The following LRP1 variants were observed in gnomAD, a reference collection of about 807,000 sequenced individuals.
LRP1 encodes LDL receptor related protein 1.
A neutral mutation model predicts 541.5 loss-of-function variants in LRP1; 51 were observed. The ratio of observed to expected loss-of-function variants is 0.09; its 90% CI spans 0.08 to 0.12. The LOEUF (loss-of-function observed/expected upper bound fraction) is 0.12. Among genes scored for constraint, LRP1 ranks in the 10% least tolerant of loss-of-function variants. The pLI, the probability that LRP1 is intolerant of heterozygous loss-of-function variation, is 1.00. For synonymous variants in LRP1, 2,219 were observed against 2,470.8 expected (o/e 0.90, Z 3.02); for missense variants, 3,878 against 6,376.2 (o/e 0.61, Z 13.34).
At chr12:57,191,638 C>A in intron 44 of LRP1, 126 bp downstream of exon 44, 1 of 766,378 alleles carries the variant, frequency 1.3e-6, no homozygotes, top group Non-Finnish European at 2.0e-6. Flanking sequence ...ACACATCCCA[C>A]ACATACTACA....
chr12:57,200,420 C>A, intron 62 of LRP1, 22 bp from the exon 63 acceptor site: 29 of 1,366,560 alleles, frequency 2.1e-5, no homozygotes, highest in Non-Finnish European at 2.5e-5. Flanking sequence ...ACCAACCCCT[C>A]TTGCCCCCAC....
In LRP1 at chr12:57,185,351, G is replaced by A; in HGVS notation, c.6463+146G>A. On this transcript the variant is annotated intron_variant, in intron 40 of 88. Coordinates refer to ENST00000243077, the MANE Select transcript of LRP1 (RefSeq NM_002332.3). The surrounding 1 kb of genome is among the most constrained non-coding windows in gnomAD (Gnocchi z 4.9). ...CGATGGCCCGAGAGACCCAGGGATGGGGAGGAAAGGCTGAGGTGCTCTGGG... is the reference window on the plus strand; with the variant it reads ...CGATGGCCCGAGAGACCCAGGGATGAGGAGGAAAGGCTGAGGTGCTCTGGG... The A allele has an allele frequency of 7.3e-7, 1 of 1,374,120 alleles. No homozygotes were observed. Among genetic ancestry groups the A allele is most frequent in the Non-Finnish European group, 9.9e-7 (1 of 1,012,096 alleles). 85.1% of individuals were successfully genotyped at this position (1,374,120 alleles called of 1,614,324 possible).
intron 6 of LRP1, among the ~76,000 whole-genome samples, chr12:57,151,457 C>T (rs1346553399): frequency 6.6e-6 from 1 of 152,242 alleles, no homozygotes; most frequent in African/African-American, 2.4e-5. Context: ...CCTCTCTCCC[C>T]TTTGGTTTAT....
Position 57,197,648 on chromosome 12 carries a change from A to C in LRP1, c.9266A>C (p.Asn3089Thr), listed in dbSNP as rs1485443671. 1 of 1,613,920 alleles carries C rather than the reference A, an allele frequency of 6.2e-7. No homozygotes were observed. The highest frequency in any genetic ancestry group is 8.5e-7 in the Non-Finnish European group (1 of 1,179,972). The change falls in exon 58 of 89, where the codon AAC becomes ACC. Residue 3089 changes from asparagine to threonine, a missense_variant. Transcript: ENST00000243077. This position sits in a 1 kb window ranked among gnomAD's most constrained non-coding sequence, Gnocchi z 4.5. ...AGCATGATCCGAAGGATGCACCTTA[A>C]CGGGAGCAATGTGCAGGTGAGGCGG... ...QGSMIRRMHLNGSNVQVLHRT... is the reference protein window; with the variant it reads ...QGSMIRRMHLTGSNVQVLHRT...
Position 57,181,421 on chromosome 12 carries a change from A to T in LRP1, c.5662+130A>T, listed in dbSNP as rs766213429. On this transcript the variant is annotated intron_variant, in intron 34 of 88. Coordinates refer to ENST00000243077, the MANE Select transcript of LRP1 (RefSeq NM_002332.3). ...TTCGTCGTGTAGGGGACACTGGACT[A>T]TGAAGTGGCTATGACTCTCCAGTGC... 2.3e-4 allele frequency: 277 copies of T among 1,181,796 alleles called. 1 individual carries two copies. Among genetic ancestry groups the T allele is most frequent in the Non-Finnish European group, 6.3e-5 (54 of 862,598 alleles). 73.2% of individuals were successfully genotyped at this position (1,181,796 alleles called of 1,614,324 possible). A position where few individuals can be genotyped will look rare whatever the true frequency, so the allele number is the denominator to read the frequency against.
rs781291026 is a variant in LRP1 at position 57,201,113 on chromosome 12, G to A, written c.10305G>A (p.Gly3435=). 2 of 1,614,096 alleles carry A rather than the reference G, an allele frequency of 1.2e-6. No homozygotes were observed. The highest frequency in any genetic ancestry group is 3.3e-5 in the Admixed American group (2 of 60,020). ...TTCCCGGCATCTTCCGCTGCAATGG[G>A]CAGGACAACTGCGGAGATGGGGAGG... ...RCIPGIFRCN[G]QDNCGDGEDE... is the part of the protein sequence containing the mutation. Residue 3435 remains glycine, a synonymous_variant, in exon 65 of 89, where the codon GGG becomes GGA. Transcript: ENST00000243077. The surrounding 1 kb of genome is among the most constrained non-coding windows in gnomAD (Gnocchi z 6.4).
chr12:57,180,035 C>T lies in LRP1; in HGVS notation c.5142-12C>T. ...GGACCCTGACCTTTCCCTCTTGGCA[C>T]CCTCCCCCCAGGAAGCTCTACTGGA... On this transcript the variant is annotated splice_polypyrimidine_tract_variant and intron_variant, in intron 30 of 88. Transcript: ENST00000243077. 1 of 1,613,672 alleles carries T rather than the reference C, an allele frequency of 6.2e-7. No homozygotes were observed. Among genetic ancestry groups the T allele is most frequent in the Non-Finnish European group, 8.5e-7 (1 of 1,179,750 alleles).
chr12:57,187,726 C>A (rs2036298153), intron 42 of LRP1, among the ~76,000 whole-genome samples: 1 of 152,218 alleles, frequency 6.6e-6, no homozygotes, highest in Non-Finnish European at 1.5e-5. Context: ...TTGATTCATT[C>A]ATCAGAGCAC....
In LRP1 at chr12:57,208,106, C is replaced by A. The variant is rs1382666907; in HGVS notation, c.11928C>A (p.Asp3976Glu). The change falls in exon 77 of 89, where the codon GAC becomes GAA. Residue 3976 changes from aspartate to glutamate, a missense_variant. Asp to Glu is a conservative substitution (Grantham distance 45, BLOSUM62 2). Coordinates refer to ENST00000243077, the MANE Select transcript of LRP1 (RefSeq NM_002332.3). Reference sequence around the variant, plus strand: ...TGGCCGGAAACGTGTACTGGACCGACTCGGGCCGAGATGTGATTGAGGTGG... The same window carrying A: ...TGGCCGGAAACGTGTACTGGACCGAATCGGGCCGAGATGTGATTGAGGTGG... ...DWVAGNVYWT[D>E]SGRDVIEVAQ... The A allele has an allele frequency of 6.2e-7, 1 of 1,614,214 alleles. No individual in the cohort carries two copies.
rs2035581740 is a variant in LRP1 at position 57,154,457 on chromosome 12, T to C, written c.1005-22T>C. The C allele has an allele frequency of 3.1e-6, 5 of 1,610,644 alleles. No homozygotes were observed. Among genetic ancestry groups the C allele is most frequent in the Non-Finnish European group, 4.2e-6 (5 of 1,177,066 alleles). ...GAGGGTGCCCAATGTCCAGACCCCATTTAACATGCATCTTCCCACAGGAAG... is the reference window on the plus strand; with the variant it reads ...GAGGGTGCCCAATGTCCAGACCCCACTTAACATGCATCTTCCCACAGGAAG... On this transcript the variant is annotated intron_variant, in intron 7 of 88. Coordinates refer to ENST00000243077, the MANE Select transcript of LRP1 (RefSeq NM_002332.3). This position sits in a 1 kb window ranked among gnomAD's most constrained non-coding sequence, Gnocchi z 4.6.
intron 8 of LRP1, 115 bp from the exon 9 acceptor site, chr12:57,155,979 C>A: frequency 1.3e-6 from 1 of 787,898 alleles, no homozygotes; most frequent in Non-Finnish European, 2.1e-6. Flanking sequence ...TTAAAAACTA[C>A]AGGATGAATT....
In LRP1 at chr12:57,158,504, T is replaced by C; in HGVS notation, c.1664T>C (p.Ile555Thr). ...GTCCCGGATGAGCACATGATCCCCA[T>C]TGAAAACCTCATGAACCCCCGAGCC... ...AKVPDEHMIP[I>T]ENLMNPRALD... is the part of the protein sequence containing the mutation. The change falls in exon 11 of 89, where the codon ATT becomes ACT. Residue 555 changes from isoleucine (I) to threonine (T), a missense_variant. Physicochemically the swap from Ile to Thr is moderately conservative, Grantham distance 89. Around this residue, in one of 13 missense-constraint regions of LRP1, gnomAD observed 496 missense variants for 861.0 expected, o/e 0.58. Transcript: ENST00000243077. This position sits in a 1 kb window ranked among gnomAD's most constrained non-coding sequence, Gnocchi z 5.3. 6.2e-7 allele frequency: 1 copy of C among 1,614,144 alleles called. No individual in the cohort carries two copies. The highest frequency in any genetic ancestry group is 8.5e-7 in the Non-Finnish European group (1 of 1,180,008).
intron 6 of LRP1, among the ~76,000 whole-genome samples, chr12:57,145,854 C>A (rs1565717051): frequency 1.3e-5 from 2 of 152,086 alleles, no homozygotes; most frequent in Non-Finnish European, 2.9e-5. Context: ...GGAGCGGAAG[C>A]CTGAGGTGCC....
intron 6 of LRP1, among the ~76,000 whole-genome samples, chr12:57,151,804 C>T (rs534499952): frequency 7.9e-5 from 12 of 152,230 alleles, no homozygotes; most frequent in South Asian, 2.1e-4. Flanking sequence ...TGTGTGCATA[C>T]GTGCGTATGT....
intron 76 of LRP1, among the ~76,000 whole-genome samples, chr12:57,207,103 C>T (rs1246824808): frequency 6.6e-6 from 1 of 152,016 alleles, no homozygotes. Flanking sequence ...ATTAGCCGGG[C>T]ATGGTGGCGG....
chr12:57,138,760 G>A (rs2035226450), intron 2 of LRP1, among the ~76,000 whole-genome samples, 179 bp downstream of exon 2: 1 of 152,212 alleles, frequency 6.6e-6, no homozygotes, highest in Non-Finnish European at 1.5e-5. Context: ...TTGGCATGGT[G>A]CCTGTTGGGC....
chr12:57,184,411 G>A lies in LRP1; in HGVS notation c.6145G>A (p.Val2049Ile), dbSNP rs370631912. 21 of 1,614,116 alleles carry A rather than the reference G, an allele frequency of 1.3e-5. No individual in the cohort carries two copies. The highest frequency in any genetic ancestry group is 6.7e-5 in the East Asian group (3 of 44,906). Reference sequence around the variant, plus strand: ...CACGGAGCGTGTGGTGCTGGTCAACGTCAGCATCAGCTGGCCCAACGGCAT... The same window carrying A: ...CACGGAGCGTGTGGTGCTGGTCAACATCAGCATCAGCTGGCCCAACGGCAT... Reference protein sequence around the residue: ...DGTERVVLVNVSISWPNGISV... With the variant: ...DGTERVVLVNISISWPNGISV... Residue 2049 changes from valine (V) to isoleucine (I), a missense_variant, in exon 38 of 89, where the codon GTC becomes ATC. Val to Ile is a conservative substitution (Grantham distance 29). Coordinates refer to ENST00000243077, the MANE Select transcript of LRP1 (RefSeq NM_002332.3). This position sits in a 1 kb window ranked among gnomAD's most constrained non-coding sequence, Gnocchi z 7.8.
chr12:57,137,547 G>A (rs552861299), intron 1 of LRP1, among the ~76,000 whole-genome samples: 3 of 152,278 alleles, frequency 2.0e-5, no homozygotes, highest in African/African-American at 7.2e-5. Flanking sequence ...TGTGTCTTTA[G>A]AGAATGGAGA....
rs545537797 is a variant in LRP1, at chr12:57,191,172, C to G, written c.7237-148C>G. 12 of 1,083,958 alleles carry G rather than the reference C, an allele frequency of 1.1e-5. 1 individual carries two copies. The South Asian group carries it at 1.8e-4, about 17-fold the overall frequency. 67.1% of individuals were successfully genotyped at this position (1,083,958 alleles called of 1,614,324 possible). A position where few individuals can be genotyped will look rare whatever the true frequency, so the allele number is the denominator to read the frequency against. ...GGTCAACCCCACCCTGTCCAGCTTG[C>G]TCCTCATCAGCTAGACGAGGGAGAT... On this transcript the variant is annotated intron_variant, in intron 43 of 88. Transcript: ENST00000243077.
Sources: gnomAD v4.1 joint callset for allele counts (sites outside exome capture counted in the v4.1 genomes callset) on GRCh38, gnomAD v4.1.1 for gene constraint, gnomAD v4.1.1 regional missense constraint, Gnocchi (gnomAD v3.1) non-coding constraint, MANE v1.5 for transcripts, NCBI Gene and HGNC (gene_info 2026-07-23, HGNC 2026-07-21) for gene names.